Variants in CCSER1 observed in about 807,000 individuals in gnomAD.
CCSER1 encodes the protein serine-rich coiled-coil domain-containing protein 1.
Under a neutral mutation model 82.0 loss-of-function variants are expected in CCSER1, and 41 were observed. That is an observed-to-expected ratio of 0.50 (90% CI 0.39 to 0.65). The LOEUF is 0.65. Ranked by LOEUF, CCSER1 falls within the 30% of genes least tolerant of loss-of-function variation. CCSER1 has a pLI of 0.00. For missense variants in CCSER1, 1,119 were observed against 1,064.2 expected, an observed-to-expected ratio of 1.05 and a Z score of -0.72; for synonymous variants, 414 against 383.9, an observed-to-expected ratio of 1.08 and a Z score of -0.92.
At chr4:90,342,390 A>C (rs191168168) in intron 3 of CCSER1, among the ~76,000 whole-genome samples, 7 of 152,212 alleles carry the variant, frequency 4.6e-5, no homozygotes, top group Non-Finnish European at 2.9e-5. Context: ...GCTCACTGTT[A>C]AGTCTTCAGA....
intron 10 of CCSER1, among the ~76,000 whole-genome samples, chr4:91,433,951 C>T (rs1754484594): frequency 1.3e-5 from 2 of 152,154 alleles, no homozygotes; most frequent in Admixed American, 1.3e-4. Context: ...CATGTTTAAG[C>T]AAATAATCAT....
At chr4:91,263,484 C>T (rs1159418689) in intron 10 of CCSER1, among the ~76,000 whole-genome samples, 3 of 151,928 alleles carry the variant, frequency 2.0e-5, no homozygotes, top group Non-Finnish European at 4.4e-5. Flanking sequence ...AATGAGCACA[C>T]GGACTGCAAA....
At chr4:90,995,757 A>C (rs1231065431) in intron 9 of CCSER1, among the ~76,000 whole-genome samples, 1 of 152,098 alleles carries the variant, frequency 6.6e-6, no homozygotes, top group African/African-American at 2.4e-5. Flanking sequence ...AATTAAAACT[A>C]TATGCTTTTC....
intron 10 of CCSER1, among the ~76,000 whole-genome samples, chr4:91,378,031 G>C (rs973477850): frequency 1.3e-5 from 2 of 152,026 alleles, no homozygotes; most frequent in African/African-American, 4.8e-5. Context: ...TCTTGTTTTT[G>C]TCAGATTTGT....
At chr4:90,737,457 A>G (rs1745847621) in intron 7 of CCSER1, among the ~76,000 whole-genome samples, 1 of 152,080 alleles carries the variant, frequency 6.6e-6, no homozygotes, top group Non-Finnish European at 1.5e-5. Flanking sequence ...CTGGCCTGTA[A>G]GGTTTCCACT....
chr4:90,485,520 C>T (rs953316161), intron 5 of CCSER1, among the ~76,000 whole-genome samples: 2 of 94,464 alleles, frequency 2.1e-5, no homozygotes, highest in Admixed American at 2.1e-4. Context: ...TTGGCTCCAC[C>T]CCCCCCCCCC....
At chr4:91,164,204 G>T (rs893951742) in intron 10 of CCSER1, among the ~76,000 whole-genome samples, 10 of 152,226 alleles carry the variant, frequency 6.6e-5, no homozygotes, top group Middle Eastern at 3.4e-3. Flanking sequence ...AGTTTGGCTG[G>T]ATATGAAATT....
At chr4:91,151,514 C>T (rs965721895) in intron 10 of CCSER1, among the ~76,000 whole-genome samples, 3 of 151,916 alleles carry the variant, frequency 2.0e-5, no homozygotes, top group Non-Finnish European at 4.4e-5. Flanking sequence ...ACCTTCTGCT[C>T]GCTTTTGAAT....
At chr4:91,099,413 G>A (rs900344404) in intron 10 of CCSER1, among the ~76,000 whole-genome samples, 1 of 152,108 alleles carries the variant, frequency 6.6e-6, no homozygotes, top group Non-Finnish European at 1.5e-5. Flanking sequence ...AGGCAATAAG[G>A]AGAGTAAACG....
At chr4:91,569,535 A>G (rs1477799241) in intron 10 of CCSER1, among the ~76,000 whole-genome samples, 7 of 152,198 alleles carry the variant, frequency 4.6e-5, no homozygotes, top group Non-Finnish European at 7.3e-5. Context: ...GCCTCAGGAA[A>G]CTTAACAATC....
chr4:90,864,900 G>A (rs1429258885), intron 8 of CCSER1, among the ~76,000 whole-genome samples: 1 of 151,936 alleles, frequency 6.6e-6, no homozygotes, highest in South Asian at 2.1e-4. Flanking sequence ...CCAATGACTT[G>A]TAATTAATTA....
intron 10 of CCSER1, among the ~76,000 whole-genome samples, chr4:91,328,340 G>T (rs1246646704): frequency 3.3e-5 from 5 of 152,208 alleles, no homozygotes; most frequent in Admixed American, 3.3e-4. Context: ...AGGTAAAGGG[G>T]AAGTAAGCAC....
At chr4:90,380,625 T>C (rs1007962172) in intron 3 of CCSER1, among the ~76,000 whole-genome samples, 2 of 152,220 alleles carry the variant, frequency 1.3e-5, no homozygotes, top group Admixed American at 6.5e-5. Context: ...TAAATTTGCC[T>C]TCTTTGTATT....
intron 10 of CCSER1, among the ~76,000 whole-genome samples, chr4:91,090,407 A>T (rs1723826599): frequency 6.6e-6 from 1 of 152,134 alleles, no homozygotes; most frequent in Non-Finnish European, 1.5e-5. Flanking sequence ...AAATTTACTG[A>T]ATGGATTTCT....
chr4:90,390,798 T>C (rs1191521376), intron 3 of CCSER1, among the ~76,000 whole-genome samples: 3 of 152,206 alleles, frequency 2.0e-5, no homozygotes, highest in Non-Finnish European at 4.4e-5. Context: ...TTTTGATATA[T>C]ACCAGTAATG....
chr4:91,554,734 G>T lies in CCSER1; in HGVS notation c.2218-43838G>T, dbSNP rs546790282. On this transcript the variant is annotated intron_variant, in intron 10 of 10. Transcript: ENST00000509176. ...ATAGAGCTACAAAAGACCCAGAATA[G>T]CCAAAGAAGAGCAAAGCTGCAAAGA... Among the ~76,000 whole-genome samples, 163 of 151,224 alleles carry T rather than the reference G, an allele frequency of 1.1e-3. 1 individual carries two copies. The highest frequency in any genetic ancestry group is 1.6e-3 in the Non-Finnish European group (105 of 67,552).
chr4:91,184,051 A>G (rs1043172918), intron 10 of CCSER1, among the ~76,000 whole-genome samples: 2 of 152,240 alleles, frequency 1.3e-5, no homozygotes, highest in Admixed American at 6.5e-5. Context: ...GGAGTGCAGC[A>G]GTATGAATTT....
At chr4:90,415,634 A>G (rs543706752) in intron 4 of CCSER1, among the ~76,000 whole-genome samples, 8 of 152,370 alleles carry the variant, frequency 5.3e-5, no homozygotes, top group Non-Finnish European at 1.2e-4. Flanking sequence ...TAACTGGTTA[A>G]ATATTAAGCA....
intron 5 of CCSER1, among the ~76,000 whole-genome samples, chr4:90,584,146 G>A (rs1341810834): frequency 1.3e-5 from 2 of 152,030 alleles, no homozygotes; most frequent in Non-Finnish European, 2.9e-5. Flanking sequence ...ATGTTATAAA[G>A]CTACAGGGAT....
Sources: allele counts gnomAD v4.1 joint callset (sites outside exome capture counted in the v4.1 genomes callset), GRCh38; gene constraint gnomAD v4.1.1; transcripts MANE v1.5; gene names NCBI Gene and HGNC (gene_info 2026-07-23, HGNC 2026-07-21).